The following CPT1C variants were observed in gnomAD, a reference collection of about 807,000 sequenced individuals.
CPT1C encodes the protein palmitoyl thioesterase CPT1C.
Under a neutral mutation model 97.3 loss-of-function variants are expected in CPT1C, and 61 were observed. The observed-to-expected ratio is 0.63, with a 90% CI of 0.51 to 0.78. The LOEUF (loss-of-function observed/expected upper bound fraction) is 0.78. CPT1C is among the 30% of genes least tolerant of loss of function. The pLI is 0.00. For synonymous variants in CPT1C, 469 were observed against 447.2 expected, an observed-to-expected ratio of 1.05 and a Z score of -0.61; for missense variants, 975 against 1,065.5, an observed-to-expected ratio of 0.92 and a Z score of 1.18.
intron 17 of CPT1C, 34 bp from the exon 18 acceptor site, chr19:49,712,702 C>CT: frequency 6.7e-7 from 1 of 1,483,344 alleles, no homozygotes; most frequent in Non-Finnish European, 9.4e-7. Context: ...CTGCAGATCT[C>CT]TGTCCTGCAC....
Position 49,712,790 on chromosome 19 carries a change from C to T in CPT1C, c.2074C>T (p.His692Tyr), listed in dbSNP as rs1208156419. 3 of 1,614,078 alleles carry T rather than the reference C, an allele frequency of 1.9e-6. No individual in the cohort carries two copies. In the South Asian group the frequency reaches 3.3e-5, roughly 18 times the overall value. Residue 692 changes from histidine to tyrosine, a missense_variant, in exon 18 of 20, where the codon CAT (histidine) becomes TAT (tyrosine). His to Tyr is a moderately conservative substitution (Grantham distance 83). Around this residue, in one of 3 missense-constraint regions of CPT1C, gnomAD observed 344 missense variants for 395.7 expected, o/e 0.87. Transcript: ENST00000598293. Reference protein sequence around the residue: ...STSQIPVQQMHLFDVHNYPDY... With the variant: ...STSQIPVQQMYLFDVHNYPDY... ...CAGCCAGATCCCTGTTCAGCAAATG[C>T]ATCTGTTTGACGTCCACAATTACCC... is the stretch of plus-strand genomic sequence containing the variant.
In CPT1C at chr19:49,710,075, C is replaced by T. The variant is rs180729071; in HGVS notation, c.1567-245C>T. On this transcript the variant is annotated intron_variant, in intron 14 of 19. Coordinates refer to ENST00000598293, the MANE Select transcript of CPT1C (RefSeq NM_001199753.2). ...GTTGGTCAGGCTGGTCTCAAACTCC[C>T]GACCTCAGGTGATCCGCCCGCCTCG... Among the ~76,000 whole-genome samples the T allele has an allele frequency of 2.8e-3, 426 of 150,638 alleles. 1 individual carries two copies. Among genetic ancestry groups the T allele is most frequent in the African/African-American group, 9.6e-3 (394 of 40,944 alleles).
Position 49,705,208 on chromosome 19 carries a change from C to T in CPT1C, c.880-6C>T. ...AAGGCAGCTCACAGCCCACGGTTTC[C>T]TGCAGACTTTGCTGATGGGAATGCG... is the stretch of plus-strand genomic sequence containing the variant. On this transcript the variant is annotated splice_region_variant and splice_polypyrimidine_tract_variant and intron_variant, in intron 9 of 19. Coordinates refer to ENST00000598293, the MANE Select transcript of CPT1C (RefSeq NM_001199753.2). The T allele has an allele frequency of 1.9e-6, 3 of 1,614,142 alleles. No homozygotes were observed. The highest frequency in any genetic ancestry group is 2.5e-6 in the Non-Finnish European group (3 of 1,180,018).
At chr19:49,691,935 CA>C in intron 2 of CPT1C, 46 bp downstream of exon 2, 1 of 364,138 alleles carries the variant, frequency 2.7e-6, no homozygotes, top group Non-Finnish European at 5.1e-6. Context: ...TGGGTCGGCG[CA>C]AAAAGGCAGC....
Position 49,707,513 on chromosome 19 carries a change from G to A in CPT1C, c.1344-5G>A. 1.9e-6 allele frequency: 3 copies of A among 1,612,236 alleles called. No individual in the cohort carries two copies. The highest frequency in any genetic ancestry group is 2.5e-6 in the Non-Finnish European group (3 of 1,178,602). On this transcript the variant is annotated splice_region_variant and splice_polypyrimidine_tract_variant and intron_variant, in intron 12 of 19. Coordinates refer to ENST00000598293, the MANE Select transcript of CPT1C (RefSeq NM_001199753.2). ...TTGGTGACCCATCTGAACTCTCCCT[G>A]ACAGCTGGTTTGACAAATCCTTCAC... is the stretch of plus-strand genomic sequence containing the variant.
intron 4 of CPT1C, 163 bp downstream of exon 4, chr19:49,697,628 G>A: frequency 1.3e-6 from 1 of 762,122 alleles, no homozygotes; most frequent in South Asian, 1.9e-5. Flanking sequence ...GGTGAGGCCG[G>A]GCACAGTGGC....
At chr19:49,709,586 G>A (rs1307606718) in intron 14 of CPT1C, among the ~76,000 whole-genome samples, 28 of 137,274 alleles carry the variant, frequency 2.0e-4, no homozygotes, top group African/African-American at 7.0e-4. Context: ...ATGGAGTCCC[G>A]CTCTGTCACC....
At chr19:49,698,557 G>C (rs2082804112) in intron 4 of CPT1C, among the ~76,000 whole-genome samples, 1 of 151,964 alleles carries the variant, frequency 6.6e-6, no homozygotes, top group Admixed American at 6.6e-5. Context: ...CAGCTACTCA[G>C]GAGGCTAAGG....
chr19:49,705,011 T>C lies in CPT1C; in HGVS notation c.776T>C (p.Phe259Ser). Residue 259 changes from phenylalanine to serine, a missense_variant, in exon 9 of 20, where the codon TTC becomes TCC. Physicochemically the swap from Phe to Ser is radical, Grantham distance 155. Transcript: ENST00000598293. The stretch of plus-strand genomic sequence containing the variant: ...ATCCCCTCTCCTGGTCCCCAGGACT[T>C]CCTGTATGTCACACCCACGCCTCTG... The part of the protein sequence containing the change: ...MVNSNYYMMD[F>S]LYVTPTPLQA... The C allele has an allele frequency of 1.9e-6, 3 of 1,593,402 alleles. No homozygotes were observed. The highest frequency in any genetic ancestry group is 2.6e-6 in the Non-Finnish European group (3 of 1,166,308).
Position 49,708,857 on chromosome 19 carries a change from G to T in CPT1C, c.1566+18G>T, listed in dbSNP as rs762467290. Reference sequence around the variant, plus strand: ...CAGACCAGGTGAGGCTGGGTTTCTGGGCCTCTCCTCCAAGTCCCAAGATTC... The same window carrying T: ...CAGACCAGGTGAGGCTGGGTTTCTGTGCCTCTCCTCCAAGTCCCAAGATTC... On this transcript the variant is annotated intron_variant, in intron 14 of 19. Transcript: ENST00000598293. 1.7e-5 allele frequency: 25 copies of T among 1,499,772 alleles called. No homozygotes were observed. Among genetic ancestry groups the T allele is most frequent in the Non-Finnish European group, 2.2e-5 (24 of 1,078,748 alleles). 92.9% of individuals were successfully genotyped at this position (1,499,772 alleles called of 1,614,324 possible). A position where few individuals can be genotyped will look rare whatever the true frequency, so the allele number is the denominator to read the frequency against.
chr19:49,703,288 C>A (rs1014002381), intron 7 of CPT1C, among the ~76,000 whole-genome samples: 2 of 151,734 alleles, frequency 1.3e-5, no homozygotes, highest in African/African-American at 4.8e-5. Flanking sequence ...CAGCTCACTG[C>A]AAGCTCTACC....
Position 49,710,769 on chromosome 19 carries a change from T to G in CPT1C, c.1778T>G (p.Leu593Ter). 2.5e-6 allele frequency: 4 copies of G among 1,614,050 alleles called. No homozygotes were observed. Among genetic ancestry groups the G allele is most frequent in the Non-Finnish European group, 3.4e-6 (4 of 1,179,948 alleles). ...ACTTATGAGTCGGCCATGACTCGCT[T>G]ATTCCTGGAAGGCCGGACGGAGACG... ...CLTYESAMTR[L>*]FLEGRTETVR... Residue 593 changes from leucine to a stop codon, truncating the protein, a stop_gained, in exon 16 of 20, where the codon TTA becomes TGA. Coordinates refer to ENST00000598293, the MANE Select transcript of CPT1C (RefSeq NM_001199753.2). LOFTEE classifies it high-confidence loss of function.
chr19:49,713,413 C>T lies in CPT1C; in HGVS notation c.2227-7C>T. The T allele has an allele frequency of 6.2e-7, 1 of 1,607,826 alleles. No individual in the cohort carries two copies. Among genetic ancestry groups the T allele is most frequent in the South Asian group, 1.1e-5 (1 of 90,172 alleles). On this transcript the variant is annotated splice_region_variant and splice_polypyrimidine_tract_variant and intron_variant, in intron 19 of 19. Transcript: ENST00000598293. Reference sequence around the variant, plus strand: ...CTTCCCCTGGCTCTGACCTGTTCTCCTTCCAGGATTCCCACAGGCTGGGGC... The same window carrying T: ...CTTCCCCTGGCTCTGACCTGTTCTCTTTCCAGGATTCCCACAGGCTGGGGC...
chr19:49,705,048 C>G lies in CPT1C; in HGVS notation c.813C>G (p.Arg271=). The part of the protein sequence containing the change: ...YVTPTPLQAA[R]AGNAVHALLL... ...CACCCACGCCTCTGCAGGCAGCTCG[C>G]GCTGGGAATGCCGTCCATGCCCTCC... Residue 271 remains arginine (R), a synonymous_variant, in exon 9 of 20, where the codon CGC becomes CGG. Coordinates refer to ENST00000598293, the MANE Select transcript of CPT1C (RefSeq NM_001199753.2). The G allele has an allele frequency of 6.2e-7, 1 of 1,610,656 alleles. No individual in the cohort carries two copies. The highest frequency in any genetic ancestry group is 1.7e-5 in the Admixed American group (1 of 59,876).
At chr19:49,692,480 G>T in intron 3 of CPT1C, 87 bp downstream of exon 3, 1 of 1,515,742 alleles carries the variant, frequency 6.6e-7, no homozygotes. Context: ...CATTTCAGCT[G>T]GTTCATTTCT....
At chr19:49,712,158 C>T in intron 17 of CPT1C, 197 bp downstream of exon 17, 1 of 610,976 alleles carries the variant, frequency 1.6e-6, no homozygotes, top group East Asian at 3.1e-5. Context: ...GCCTGGCCAA[C>T]TTGGCGAAAC....
intron 3 of CPT1C, among the ~76,000 whole-genome samples, chr19:49,694,742 T>C (rs1036957425): frequency 1.3e-5 from 2 of 152,076 alleles, no homozygotes; most frequent in Non-Finnish European, 2.9e-5. Context: ...GTATAATCTG[T>C]TCCAGTTGGC....
chr19:49,707,110 A>G (rs2083544226), intron 12 of CPT1C, among the ~76,000 whole-genome samples: 1 of 152,100 alleles, frequency 6.6e-6, no homozygotes, highest in African/African-American at 2.4e-5. Context: ...CCTCATCTCC[A>G]CTAAAAATGC....
rs1744703535 is a variant in CPT1C, at chr19:49,711,951, TCCTGAC to T, written c.2012_2017del (p.Leu671_Thr672del). 6.2e-7 allele frequency: 1 copy of T among 1,613,788 alleles called. No individual in the cohort carries two copies. The highest frequency in any genetic ancestry group is 1.3e-5 in the African/African-American group (1 of 74,932). ...CGATTCCTCCACCTGCAGTCGCCCT[TCCTGAC>T]CCAGGTTGGGGCACAGGGAAAGGGT... is the stretch of plus-strand genomic sequence containing the variant. On this transcript the variant is annotated inframe_deletion, in exon 17 of 20. Transcript: ENST00000598293.
Sources: allele counts gnomAD v4.1 joint callset (sites outside exome capture counted in the v4.1 genomes callset), GRCh38; gene constraint gnomAD v4.1.1; regional missense constraint gnomAD v4.1.1; transcripts MANE v1.5; gene names NCBI Gene and HGNC (gene_info 2026-07-23, HGNC 2026-07-21).